CTNNA2: variants seen among roughly 807,000 people sequenced by gnomAD.
The protein encoded by CTNNA2 is catenin alpha-2.
Under a neutral mutation model 101.0 loss-of-function variants are expected in CTNNA2, and 42 were observed. The observed-to-expected ratio is 0.42, with a 90% CI of 0.32 to 0.54. The LOEUF (loss-of-function observed/expected upper bound fraction) is 0.54. Ranked by LOEUF, CTNNA2 falls within the 20% of genes least tolerant of loss-of-function variation. The pLI is 0.14. For missense variants in CTNNA2, 871 were observed against 1,223.1 expected (o/e 0.71, Z 4.29); for synonymous variants, 450 against 456.4 (o/e 0.99, Z 0.18).
At chr2:79,794,080 A>G (rs899314250) in intron 3 of CTNNA2, among the ~76,000 whole-genome samples, 1 of 152,128 alleles carries the variant, frequency 6.6e-6, no homozygotes, top group Non-Finnish European at 1.5e-5. Flanking sequence ...AATCGCCACC[A>G]AAGAACTTAC....
At chr2:79,992,016 A>G (rs1256169652) in intron 7 of CTNNA2, among the ~76,000 whole-genome samples, 1 of 152,198 alleles carries the variant, frequency 6.6e-6, no homozygotes, top group African/African-American at 2.4e-5. Flanking sequence ...TAAAAATCCA[A>G]TCTTGGTATC....
intron 3 of CTNNA2, among the ~76,000 whole-genome samples, chr2:79,841,181 G>A (rs1464528174): frequency 6.6e-6 from 1 of 152,114 alleles, no homozygotes; most frequent in Non-Finnish European, 1.5e-5. Flanking sequence ...TGCAACATCT[G>A]TTTAGAAAGG....
chr2:79,688,257 A>C (rs968123798), intron 2 of CTNNA2, among the ~76,000 whole-genome samples: 2 of 152,096 alleles, frequency 1.3e-5, no homozygotes, highest in African/African-American at 4.8e-5. Flanking sequence ...AGTAAAGCTC[A>C]TAAACGAGTG....
chr2:79,918,116 A>G (rs1254953500), intron 7 of CTNNA2, among the ~76,000 whole-genome samples: 1 of 152,076 alleles, frequency 6.6e-6, no homozygotes, highest in African/African-American at 2.4e-5. Context: ...TGAACAATCA[A>G]TACTTCTATC....
rs558602041 is a variant in CTNNA2 at position 79,228,949 on chromosome 2, G to T, written c.-406+30873G>T. ...ATTTTCATACATGGTAAGAGGTAAA[G>T]GTCCAGTTTTATTCTTCTGTATATG... is the stretch of plus-strand genomic sequence containing the variant. On this transcript the variant is annotated intron_variant, in intron 2 of 21. Coordinates refer to the CTNNA2 transcript ENST00000466387. Among the ~76,000 whole-genome samples the T allele has an allele frequency of 5.4e-4, 82 of 152,026 alleles. 1 individual carries two copies. The highest frequency in any genetic ancestry group is 1.1e-3 in the Non-Finnish European group (76 of 68,024).
At chr2:79,942,691 T>G (rs892801589) in intron 7 of CTNNA2, among the ~76,000 whole-genome samples, 5 of 152,158 alleles carry the variant, frequency 3.3e-5, no homozygotes, top group African/African-American at 1.2e-4. Context: ...CCAAGAGGCA[T>G]ACTTGCCATA....
At chr2:79,246,458 C>T (rs1674701060) in intron 2 of CTNNA2, among the ~76,000 whole-genome samples, 1 of 152,216 alleles carries the variant, frequency 6.6e-6, no homozygotes, top group African/African-American at 2.4e-5. Flanking sequence ...TGTTTTCCCA[C>T]CACCTGCGAA....
At chr2:79,691,798 G>A (rs1267334045) in intron 2 of CTNNA2, among the ~76,000 whole-genome samples, 2 of 152,102 alleles carry the variant, frequency 1.3e-5, no homozygotes, top group Non-Finnish European at 2.9e-5. Context: ...AATAAATGGT[G>A]TTGGGAAAAC....
chr2:79,713,409 G>A (rs190738898), intron 2 of CTNNA2, among the ~76,000 whole-genome samples: 2 of 152,144 alleles, frequency 1.3e-5, no homozygotes, highest in Admixed American at 6.5e-5. Context: ...TCATGCCACT[G>A]CACTCCAGCC....
rs182215098 is a variant in CTNNA2, at chr2:80,098,674, G to A, written c.1056+188877G>A. Reference sequence around the variant, plus strand: ...TCCACCCAGTTCGAGCTTCCTAGCCGCTTTGTTTACCTACTCAAGCCTCGG... The same window carrying A: ...TCCACCCAGTTCGAGCTTCCTAGCCACTTTGTTTACCTACTCAAGCCTCGG... On this transcript the variant is annotated intron_variant, in intron 7 of 18. Coordinates refer to ENST00000402739, the MANE Select transcript of CTNNA2 (RefSeq NM_001282597.3). Among the ~76,000 whole-genome samples the A allele has an allele frequency of 3.7e-3, 566 of 152,310 alleles. 5 individuals carry two copies. The highest frequency in any genetic ancestry group is 0.013 in the African/African-American group (536 of 41,584).
In CTNNA2 at chr2:79,296,367, A is replaced by G. The variant is rs147979236; in HGVS notation, c.-405-16342A>G. On this transcript the variant is annotated intron_variant, in intron 2 of 21. Transcript: ENST00000466387. ...TTTCAAAGAGTTTTTGTCTACATAC[A>G]TTATGCTTCAGGAAAGAATTAAAGA... Among the ~76,000 whole-genome samples the G allele has an allele frequency of 1.1e-3, 167 of 152,312 alleles. 3 individuals carry two copies. The East Asian group carries it at 0.028, about 25-fold the overall frequency.
At chr2:80,371,515 CA>C (rs1443942666) in intron 7 of CTNNA2, among the ~76,000 whole-genome samples, 1 of 149,996 alleles carries the variant, frequency 6.7e-6, no homozygotes, top group Non-Finnish European at 1.5e-5. Context: ...CACACACACA[CA>C]CACACACAAA....
chr2:80,094,145 C>T (rs1437873306), intron 7 of CTNNA2, among the ~76,000 whole-genome samples: 2 of 152,170 alleles, frequency 1.3e-5, no homozygotes, highest in Non-Finnish European at 2.9e-5. Flanking sequence ...TTAAGTCTAA[C>T]ATGTAAGTCT....
intron 4 of CTNNA2, among the ~76,000 whole-genome samples, chr2:79,471,473 G>A (rs537215847): frequency 6.6e-6 from 1 of 152,142 alleles, no homozygotes; most frequent in East Asian, 1.9e-4. Context: ...CCTTAATAAG[G>A]GCACTTATCC....
intron 2 of CTNNA2, among the ~76,000 whole-genome samples, chr2:79,287,019 CT>C (rs1463554327): frequency 1.3e-5 from 2 of 152,300 alleles, no homozygotes; most frequent in East Asian, 1.9e-4. Flanking sequence ...TCTTCCATCG[CT>C]GATACCCTTT....
intron 1 of CTNNA2, among the ~76,000 whole-genome samples, chr2:79,594,480 A>T (rs1161327603): frequency 1.3e-5 from 2 of 152,214 alleles, no homozygotes; most frequent in Non-Finnish European, 2.9e-5. Flanking sequence ...TGTATGATTT[A>T]GTATTTCTTA....
At chr2:79,231,295 T>C (rs1674490202) in intron 2 of CTNNA2, among the ~76,000 whole-genome samples, 1 of 152,192 alleles carries the variant, frequency 6.6e-6, no homozygotes, top group Non-Finnish European at 1.5e-5. Flanking sequence ...CTTCCTGTGC[T>C]ATTCCTGTGA....
intron 7 of CTNNA2, among the ~76,000 whole-genome samples, chr2:79,946,267 T>C (rs10208230): frequency 0.084 from 12,771 of 152,036 alleles, 629 homozygotes; most frequent in East Asian, 0.19. Context: ...CTGGGAGCTG[T>C]TGCCAGGAAC....
chr2:79,897,548 G>A (rs1444753015), intron 6 of CTNNA2, among the ~76,000 whole-genome samples: 1 of 152,114 alleles, frequency 6.6e-6, no homozygotes, highest in African/African-American at 2.4e-5. Context: ...CAACAACACT[G>A]TTGTATAGGT....
Sources: gnomAD v4.1 joint callset for allele counts (sites outside exome capture counted in the v4.1 genomes callset) on GRCh38, gnomAD v4.1.1 for gene constraint, MANE v1.5 for transcripts, NCBI Gene and HGNC (gene_info 2026-07-23, HGNC 2026-07-21) for gene names.